PCDH15: variants seen among roughly 807,000 people sequenced by gnomAD.
PCDH15 encodes the protein protocadherin related 15.
A neutral mutation model predicts 178.5 loss-of-function variants in PCDH15; 129 were observed. The ratio of observed to expected loss-of-function variants is 0.72; its 90% CI spans 0.63 to 0.84. The LOEUF (loss-of-function observed/expected upper bound fraction) is 0.84. Among genes scored for constraint, PCDH15 ranks in the 40% least tolerant of loss-of-function variants. The pLI, the probability that PCDH15 is intolerant of heterozygous loss-of-function variation, is 0.00. For missense variants in PCDH15, 2,230 were observed against 2,099.9 expected, an observed-to-expected ratio of 1.06 and a Z score of -1.21; for synonymous variants, 800 against 732.0, an observed-to-expected ratio of 1.09 and a Z score of -1.50.
intron 2 of PCDH15, among the ~76,000 whole-genome samples, chr10:55,377,356 T>G (rs1319827036): frequency 2.0e-5 from 3 of 151,880 alleles, no homozygotes; most frequent in Non-Finnish European, 2.9e-5. Context: ...AGAACTATCT[T>G]ATAAAGTCTA....
intron 3 of PCDH15, among the ~76,000 whole-genome samples, chr10:54,849,221 G>C (rs1385037511): frequency 1.3e-5 from 2 of 151,838 alleles, no homozygotes; most frequent in East Asian, 3.9e-4. Context: ...CTGAATTTCA[G>C]CCCATTTTTG....
intron 3 of PCDH15, among the ~76,000 whole-genome samples, chr10:54,863,482 C>A (rs1040282879): frequency 6.6e-6 from 1 of 152,162 alleles, no homozygotes. Flanking sequence ...GCGGAGCTTG[C>A]AGCGAGCCGA....
chr10:55,318,374 G>T (rs1212600687), intron 1 of PCDH15, among the ~76,000 whole-genome samples: 1 of 151,984 alleles, frequency 6.6e-6, no homozygotes, highest in Non-Finnish European at 1.5e-5. Flanking sequence ...GTTGACATAA[G>T]AAATAAAAGC....
Position 54,192,154 on chromosome 10 carries a change from A to AAGAAAAAG in PCDH15, c.1305+3528_1305+3529insCTTTTTCT, listed in dbSNP as rs1554832302. Among the ~76,000 whole-genome samples, 753 of 132,632 alleles carry AAGAAAAAG rather than the reference A, an allele frequency of 5.7e-3. 5 individuals are homozygous for AAGAAAAAG. Among genetic ancestry groups the AAGAAAAAG allele is most frequent in the African/African-American group, 0.018 (592 of 33,604 alleles). 87.0% of individuals were successfully genotyped at this position (132,632 alleles called of 152,430 possible). On this transcript the variant is annotated intron_variant, in intron 11 of 37. Transcript: ENST00000644397. ...AAAGAGAAAGAGAAAGAAAGAAAGAAAAAGAAAGAAAGAAAGAAAAAGAAA... is the reference window on the plus strand; with the variant it reads ...AAAGAGAAAGAGAAAGAAAGAAAGAAAGAAAAAGAAAGAAAGAAAGAAAGAAAAAGAAA...
intron 2 of PCDH15, among the ~76,000 whole-genome samples, chr10:55,406,545 T>C (rs545163276): frequency 4.3e-4 from 65 of 152,238 alleles, no homozygotes; most frequent in African/African-American, 1.6e-3. Flanking sequence ...CAGCATGAAG[T>C]AGTCATCAGA....
intron 1 of PCDH15, among the ~76,000 whole-genome samples, chr10:54,784,966 C>T (rs1422097610): frequency 6.6e-6 from 1 of 151,886 alleles, no homozygotes; most frequent in African/African-American, 2.4e-5. Flanking sequence ...TCATTTCCAT[C>T]ATGTCAGTCA....
rs544149817 is a variant in PCDH15, at chr10:54,499,162, A to C, written c.157+28650T>G. On this transcript the variant is annotated intron_variant, in intron 3 of 37. Transcript: ENST00000644397. Reference sequence around the variant, plus strand: ...AAGCAGCCAACAATGGAGCATCTAGATTAATAAAACAAGTACTTAGAAACC... The same window carrying C: ...AAGCAGCCAACAATGGAGCATCTAGCTTAATAAAACAAGTACTTAGAAACC... Among the ~76,000 whole-genome samples the C allele has an allele frequency of 1.5e-3, 225 of 152,268 alleles. 1 individual carries two copies. Among genetic ancestry groups the C allele is most frequent in the African/African-American group, 5.2e-3 (218 of 41,570 alleles).
chr10:54,128,056 G>T (rs1021372152), intron 15 of PCDH15, among the ~76,000 whole-genome samples: 1 of 152,082 alleles, frequency 6.6e-6, no homozygotes, highest in African/African-American at 2.4e-5. Context: ...GGGATAGAGA[G>T]GATGAAGAAA....
intron 3 of PCDH15, among the ~76,000 whole-genome samples, chr10:54,415,126 A>G (rs768522542): frequency 7.9e-5 from 12 of 152,150 alleles, no homozygotes; most frequent in Non-Finnish European, 1.5e-4. Flanking sequence ...TAAAGTATTT[A>G]TGAAAAAATT....
At chr10:53,879,226 A>G (rs148083016) in intron 26 of PCDH15, among the ~76,000 whole-genome samples, 288 of 152,228 alleles carry the variant, frequency 1.9e-3, no homozygotes, top group African/African-American at 6.2e-3. Context: ...CATAAGTCTC[A>G]TGGCCAGTAG....
At chr10:54,928,713 A>C (rs766513663) in intron 2 of PCDH15, among the ~76,000 whole-genome samples, 16 of 152,022 alleles carry the variant, frequency 1.1e-4, no homozygotes, top group Non-Finnish European at 2.2e-4. Context: ...ACCTTGGTCT[A>C]TTCTGCTACT....
intron 2 of PCDH15, among the ~76,000 whole-genome samples, chr10:55,335,642 G>A (rs1003299256): frequency 6.6e-6 from 1 of 152,088 alleles, no homozygotes; most frequent in Admixed American, 6.6e-5. Flanking sequence ...GGAAAGACTG[G>A]AGAGATCAGA....
chr10:55,168,498 G>A (rs1235630765), intron 1 of PCDH15, among the ~76,000 whole-genome samples: 1 of 152,154 alleles, frequency 6.6e-6, no homozygotes, highest in South Asian at 2.1e-4. Flanking sequence ...TCAAACACCA[G>A]AAATAGCTAG....
chr10:54,146,411 C>G (rs1046099173), intron 14 of PCDH15, among the ~76,000 whole-genome samples: 1 of 151,736 alleles, frequency 6.6e-6, no homozygotes, highest in African/African-American at 2.4e-5. Context: ...CTCTTATTAT[C>G]TAATTATCAA....
chr10:54,476,626 G>C (rs945087689), intron 3 of PCDH15, among the ~76,000 whole-genome samples: 3 of 151,910 alleles, frequency 2.0e-5, no homozygotes, highest in African/African-American at 2.4e-5. Flanking sequence ...TTTTTAAAAG[G>C]GTGATCAGAA....
chr10:53,823,488 AC>A, intron 32 of PCDH15: 1 of 893,864 alleles, frequency 1.1e-6, no homozygotes. Flanking sequence ...ACACTAACCT[AC>A]TAAAGCAAGA....
Position 54,117,395 on chromosome 10 carries a change from G to T in PCDH15, c.1917+15480C>A, listed in dbSNP as rs570788138. 5.9e-5 allele frequency among the ~76,000 whole-genome samples: 9 copies of T among 152,226 alleles called. No homozygotes were observed. The East Asian group carries it at 1.7e-3, about 30-fold the overall frequency. On this transcript the variant is annotated intron_variant, in intron 15 of 37. Coordinates refer to ENST00000644397, the MANE Select transcript of PCDH15 (RefSeq NM_001384140.1). ...CAGGAACTGCAGAACCCCAAGGAGGGTGTCACAGCCCTGGTTTGGGGAGCC... is the reference window on the plus strand; with the variant it reads ...CAGGAACTGCAGAACCCCAAGGAGGTTGTCACAGCCCTGGTTTGGGGAGCC...
At chr10:54,071,536 T>C (rs1311669864) in intron 17 of PCDH15, among the ~76,000 whole-genome samples, 2 of 152,184 alleles carry the variant, frequency 1.3e-5, no homozygotes, top group Non-Finnish European at 2.9e-5. Flanking sequence ...ATTTCATGGC[T>C]AGAAAACTAT....
At chr10:53,897,862 A>T (rs1229913127) in intron 26 of PCDH15, among the ~76,000 whole-genome samples, 1 of 148,418 alleles carries the variant, frequency 6.7e-6, no homozygotes, top group Non-Finnish European at 1.5e-5. Context: ...ATTAGAATTT[A>T]TTTCCCTTTA....
Sources: gnomAD v4.1 joint callset for allele counts (sites outside exome capture counted in the v4.1 genomes callset) on GRCh38, gnomAD v4.1.1 for gene constraint, MANE v1.5 for transcripts, NCBI Gene and HGNC (gene_info 2026-07-23, HGNC 2026-07-21) for gene names.